WHAMM: variants seen among roughly 807,000 people sequenced by gnomAD.
WHAMM encodes the protein WASP homolog-associated protein with actin, membranes and microtubules.
A neutral mutation model predicts 76.5 loss-of-function variants in WHAMM; 67 were observed. The ratio of observed to expected loss-of-function variants is 0.88; its 90% CI spans 0.72 to 1.07. The LOEUF (loss-of-function observed/expected upper bound fraction) is 1.07, where lower values mean the gene tolerates loss of function less well. WHAMM is among the 50% of genes least tolerant of loss of function. The probability of loss-of-function intolerance (pLI) is 0.00; values close to 1 mark genes in which losing one functional copy is unlikely to be tolerated. For missense variants in WHAMM, 1,021 were observed against 1,051.1 expected, an observed-to-expected ratio of 0.97 and a Z score of 0.40; for synonymous variants, 419 against 422.1, an observed-to-expected ratio of 0.99 and a Z score of 0.09.
In WHAMM at chr15:82,823,205, AAG is replaced by A; in HGVS notation, c.1378_1379del (p.Glu460ThrfsTer11). On this transcript the variant is annotated frameshift_variant, in exon 6 of 10. Transcript: ENST00000286760. LOFTEE classifies it high-confidence loss of function. Reference sequence around the variant, plus strand: ...CAGGATGATAAGAATTTGGAAGTGAAAGAACTCAGAAGGCAGTGCCAGCAGCT... The same window carrying A: ...CAGGATGATAAGAATTTGGAAGTGAAAACTCAGAAGGCAGTGCCAGCAGCT... The A allele has an allele frequency of 1.9e-6, 3 of 1,586,258 alleles. No homozygotes were observed. Among genetic ancestry groups the A allele is most frequent in the Non-Finnish European group, 2.6e-6 (3 of 1,163,630 alleles).
In WHAMM at chr15:82,830,830, G is replaced by C. The variant is rs749664072; in HGVS notation, c.1873G>C (p.Gly625Arg). The change falls in exon 9 of 10, where the codon GGT (glycine) becomes CGT (arginine). Residue 625 changes from glycine (G) to arginine (R), a missense_variant. Coordinates refer to ENST00000286760, the MANE Select transcript of WHAMM (RefSeq NM_001080435.3). Reference protein sequence around the residue: ...NIPVQVFVPVGDQTHSKSSEE... With the variant: ...NIPVQVFVPVRDQTHSKSSEE... Reference sequence around the variant, plus strand: ...CCCTGTCCAGGTTTTTGTTCCAGTTGGTGATCAAACACATTCCAAATCCAG... The same window carrying C: ...CCCTGTCCAGGTTTTTGTTCCAGTTCGTGATCAAACACATTCCAAATCCAG... 4 of 1,600,596 alleles carry C rather than the reference G, an allele frequency of 2.5e-6. No individual in the cohort carries two copies. Among genetic ancestry groups the C allele is most frequent in the Non-Finnish European group, 3.4e-6 (4 of 1,173,062 alleles).
At chr15:82,829,153 G>A (rs1452522106) in intron 8 of WHAMM, among the ~76,000 whole-genome samples, 2 of 152,190 alleles carry the variant, frequency 1.3e-5, no homozygotes, top group African/African-American at 2.4e-5. Context: ...TTTATCATGC[G>A]TGGACAGGCT....
At chr15:82,817,369 C>G (rs1019358832) in intron 3 of WHAMM, among the ~76,000 whole-genome samples, 3 of 152,152 alleles carry the variant, frequency 2.0e-5, no homozygotes, top group African/African-American at 7.2e-5. Flanking sequence ...TCAGACCATG[C>G]AGGGGCTTGT....
Position 82,813,424 on chromosome 15 carries a change from G to A in WHAMM, c.783+148G>A, listed in dbSNP as rs1199585247. On this transcript the variant is annotated intron_variant, in intron 2 of 9. Coordinates refer to ENST00000286760, the MANE Select transcript of WHAMM (RefSeq NM_001080435.3). ...TTTACTTATTTATTGATAGAGATGA[G>A]GTTTTGCCATGTTGCTCAGGCTGGT... 6.1e-5 allele frequency: 56 copies of A among 912,838 alleles called. No homozygotes were observed. In the East Asian group the frequency reaches 1.3e-3, roughly 21 times the overall value. The allele number at this position is 912,838 out of a possible 1,614,324, so 56.5% of individuals were successfully genotyped here.
At chr15:82,810,476 G>A (rs1185898423) in intron 1 of WHAMM, 141 bp downstream of exon 1, 6 of 1,224,374 alleles carry the variant, frequency 4.9e-6, no homozygotes, top group African/African-American at 1.6e-5. Context: ...GCTCCCCAGT[G>A]CCGTCACCTG....
At chr15:82,818,352 TTA>T (rs1325084777) in intron 4 of WHAMM, among the ~76,000 whole-genome samples, 1 of 152,232 alleles carries the variant, frequency 6.6e-6, no homozygotes, top group Non-Finnish European at 1.5e-5. Flanking sequence ...TAGCTCCCAC[TTA>T]TAAGTGAGAC....
Position 82,833,774 on chromosome 15 carries a change from C to A in WHAMM, c.*238C>A, listed in dbSNP as rs1411301656. 1.4e-5 allele frequency: 7 copies of A among 498,294 alleles called. No homozygotes were observed. The highest frequency in any genetic ancestry group is 5.8e-5 in the African/African-American group (3 of 52,032). The allele number at this position is 498,294 out of a possible 1,614,324, so 30.9% of individuals were successfully genotyped here. A position where few individuals can be genotyped will look rare whatever the true frequency, so the allele number is the denominator to read the frequency against. On this transcript the variant is annotated 3_prime_UTR_variant, in exon 10 of 10. Coordinates refer to ENST00000286760, the MANE Select transcript of WHAMM (RefSeq NM_001080435.3). ...GCGCCATCTCGGCTCACCGCAAGCT[C>A]CGCTTCCCAGGCTGGGGTGCAGTGG...
intron 4 of WHAMM, 22 bp from the exon 5 acceptor site, chr15:82,819,297 ATTTT>A: frequency 1.1e-6 from 1 of 941,084 alleles, no homozygotes; most frequent in South Asian, 2.5e-5. Context: ...ATTTTAACTT[ATTTT>A]TCTTTTTTCT....
At position 82,831,058 on chromosome 15, in the gene WHAMM, T is replaced by C. The variant is rs945015374; in HGVS notation, c.2101T>C (p.Leu701=). The C allele has an allele frequency of 1.2e-6, 2 of 1,607,790 alleles. No homozygotes were observed. Among genetic ancestry groups the C allele is most frequent in the Non-Finnish European group, 1.7e-6 (2 of 1,179,650 alleles). ...ESPAERPRDS[L]ESFSCPGSMD... ...ACCTGCTGAGCGACCACGTGACTCCTTGGAAAGTTTTTCATGTCCAGGTAA... is the reference window on the plus strand; with the variant it reads ...ACCTGCTGAGCGACCACGTGACTCCCTGGAAAGTTTTTCATGTCCAGGTAA... The change falls in exon 9 of 10, where the codon TTG becomes CTG. Residue 701 remains leucine (L), a synonymous_variant. Transcript: ENST00000286760.
intron 8 of WHAMM, among the ~76,000 whole-genome samples, chr15:82,828,396 G>C (rs1036960012): frequency 1.3e-5 from 2 of 152,202 alleles, no homozygotes; most frequent in Non-Finnish European, 2.9e-5. Context: ...ATTCTGATGT[G>C]ATTGCCCTGG....
chr15:82,810,225 G>A lies in WHAMM; in HGVS notation c.499G>A (p.Asp167Asn). 1 of 1,416,804 alleles carries A rather than the reference G, an allele frequency of 7.1e-7. No individual in the cohort carries two copies. Among genetic ancestry groups the A allele is most frequent in the Non-Finnish European group, 9.2e-7 (1 of 1,084,596 alleles). The allele number at this position is 1,416,804 out of a possible 1,614,324, so 87.8% of individuals were successfully genotyped here. A position where few individuals can be genotyped will look rare whatever the true frequency, so the allele number is the denominator to read the frequency against. ...CGGCTGCGGCGGCGCCACAGTGCGCGACGCACTCTTCCCGGCTGAGGGCGG... is the reference window on the plus strand; with the variant it reads ...CGGCTGCGGCGGCGCCACAGTGCGCAACGCACTCTTCCCGGCTGAGGGCGG... ...ADGCGGATVR[D>N]ALFPAEGGAA... The change falls in exon 1 of 10, where the codon GAC becomes AAC. Residue 167 changes from aspartate (D) to asparagine (N), a missense_variant. Physicochemically the swap from Asp to Asn is conservative, Grantham distance 23 (BLOSUM62 1). Transcript: ENST00000286760.
At chr15:82,817,203 G>T (rs181327045) in intron 3 of WHAMM, among the ~76,000 whole-genome samples, 1 of 152,314 alleles carries the variant, frequency 6.6e-6, no homozygotes, top group African/African-American at 2.4e-5. Context: ...AATAAAAAGT[G>T]AGGAGTATTC....
In WHAMM at chr15:82,810,337, T is replaced by G. The variant is rs1418120477; in HGVS notation, c.609+2T>G. 3.1e-6 allele frequency: 4 copies of G among 1,309,114 alleles called. No homozygotes were observed. Among genetic ancestry groups the G allele is most frequent in the African/African-American group, 1.6e-5 (1 of 64,404 alleles). 81.1% of individuals were successfully genotyped at this position (1,309,114 alleles called of 1,614,324 possible). Reference sequence around the variant, plus strand: ...GAGGCGGACGCGCGGCTGCGCCAGGTAAGCGAGGCCCGGTCGCCGGCGTTC... The same window carrying G: ...GAGGCGGACGCGCGGCTGCGCCAGGGAAGCGAGGCCCGGTCGCCGGCGTTC... On this transcript the variant is annotated splice_donor_variant, in intron 1 of 9. Coordinates refer to ENST00000286760, the MANE Select transcript of WHAMM (RefSeq NM_001080435.3). LOFTEE classifies it high-confidence loss of function.
chr15:82,810,677 C>T, intron 1 of WHAMM: 1 of 985,438 alleles, frequency 1.0e-6, no homozygotes, highest in Non-Finnish European at 1.2e-6. Context: ...GAAAACAACC[C>T]ATCCATGTAG....
At chr15:82,812,835 C>T (rs1227388812) in intron 1 of WHAMM, among the ~76,000 whole-genome samples, 1 of 152,130 alleles carries the variant, frequency 6.6e-6, no homozygotes, top group Admixed American at 6.5e-5. Context: ...GGACAAAAGT[C>T]TCCATATTAT....
intron 2 of WHAMM, among the ~76,000 whole-genome samples, chr15:82,813,658 T>A (rs1183247243): frequency 8.0e-6 from 1 of 125,556 alleles, no homozygotes; most frequent in African/African-American, 3.2e-5. Context: ...TTTTTTTTTT[T>A]TTTTTTTTTT....
rs1423256872 is a variant in WHAMM, at chr15:82,833,449, C to T, written c.2343C>T (p.Ile781=). 3.0e-5 allele frequency: 48 copies of T among 1,613,882 alleles called. No individual in the cohort carries two copies. Among genetic ancestry groups the T allele is most frequent in the Non-Finnish European group, 3.6e-5 (43 of 1,179,916 alleles). The change falls in exon 10 of 10, where the codon ATC becomes ATT. Residue 781 remains isoleucine, a synonymous_variant. Transcript: ENST00000286760. Reference sequence around the variant, plus strand: ...GCACCAGTGACCTTGAGAGGAGCATCAAGGCTGCGCTCCAGAGAATCAAGA... The same window carrying T: ...GCACCAGTGACCTTGAGAGGAGCATTAAGGCTGCGCTCCAGAGAATCAAGA... ...NRRTSDLERS[I]KAALQRIKRV...
At position 82,817,932 on chromosome 15, in the gene WHAMM, A is replaced by T; in HGVS notation, c.947A>T (p.Glu316Val). 1 of 1,529,760 alleles carries T rather than the reference A, an allele frequency of 6.5e-7. No individual in the cohort carries two copies. The highest frequency in any genetic ancestry group is 8.8e-7 in the Non-Finnish European group (1 of 1,136,620). 94.8% of individuals were successfully genotyped at this position (1,529,760 alleles called of 1,614,324 possible). A position where few individuals can be genotyped will look rare whatever the true frequency, so the allele number is the denominator to read the frequency against. Residue 316 changes from glutamate (E) to valine (V), a missense_variant, in exon 4 of 10, where the codon GAA (glutamate) becomes GTA (valine). Glu to Val is a moderately radical substitution (Grantham distance 121). Transcript: ENST00000286760. ...TVKALAGMQK[E>V]MEQDAKRFGQ... ...TATAATCCAACAGGAATGCAGAAAG[A>T]AATGGAACAGGATGCGAAGAGATTT... is the stretch of plus-strand genomic sequence containing the variant.
At chr15:82,827,073 T>A (rs1443720524) in intron 8 of WHAMM, among the ~76,000 whole-genome samples, 1 of 152,240 alleles carries the variant, frequency 6.6e-6, no homozygotes, top group Non-Finnish European at 1.5e-5. Flanking sequence ...ACAACACGCT[T>A]GGGTTCCTGC....
Sources: gnomAD v4.1 joint callset for allele counts (sites outside exome capture counted in the v4.1 genomes callset) on GRCh38, gnomAD v4.1.1 for gene constraint, MANE v1.5 for transcripts, NCBI Gene and HGNC (gene_info 2026-07-23, HGNC 2026-07-21) for gene names.